The following PRKN variants were observed in gnomAD, a reference collection of about 807,000 sequenced individuals.
The protein encoded by PRKN is E3 ubiquitin-protein ligase parkin.
In PRKN, 56 loss-of-function variants were observed where a neutral mutation model predicts 59.5. The observed-to-expected ratio is 0.94, with a 90% CI of 0.76 to 1.18. PRKN has a LOEUF of 1.18. Ranked by LOEUF, PRKN falls within the 50% of genes most tolerant of loss-of-function variation. The probability of loss-of-function intolerance (pLI) is 0.00; values close to 1 mark genes in which losing one functional copy is unlikely to be tolerated. For missense variants in PRKN, 657 were observed against 596.4 expected (o/e 1.10, Z -1.06); for synonymous variants, 250 against 222.1 (o/e 1.13, Z -1.12).
At chr6:162,329,129 A>T (rs571808995) in intron 2 of PRKN, among the ~76,000 whole-genome samples, 2 of 152,216 alleles carry the variant, frequency 1.3e-5, no homozygotes, top group Non-Finnish European at 2.9e-5. Flanking sequence ...TATTGTAGAC[A>T]AAATAACTAA....
chr6:162,680,172 G>A, intron 1 of PRKN, among the ~76,000 whole-genome samples: 1 of 150,014 alleles, frequency 6.7e-6, no homozygotes. Context: ...ACTTAATTAA[G>A]CATATATATA....
intron 2 of PRKN, among the ~76,000 whole-genome samples, chr6:162,370,020 T>C (rs1275050357): frequency 6.6e-6 from 1 of 152,188 alleles, no homozygotes; most frequent in African/African-American, 2.4e-5. Context: ...CTCTCTATCA[T>C]CAAGTGGCCA....
chr6:161,835,014 T>C (rs1792687113), intron 6 of PRKN, among the ~76,000 whole-genome samples: 2 of 151,738 alleles, frequency 1.3e-5, no homozygotes, highest in Admixed American at 6.6e-5. Flanking sequence ...TCACTAGGCA[T>C]CATTTCTGCC....
intron 4 of PRKN, among the ~76,000 whole-genome samples, chr6:162,180,578 C>T (rs752794950): frequency 1.3e-5 from 2 of 152,196 alleles, no homozygotes; most frequent in Non-Finnish European, 2.9e-5. Context: ...AGCTTAAGAG[C>T]TGTCCACTGT....
At chr6:161,732,087 T>G (rs1787739605) in intron 7 of PRKN, among the ~76,000 whole-genome samples, 2 of 137,274 alleles carry the variant, frequency 1.5e-5, no homozygotes, top group African/African-American at 7.3e-5. Context: ...CTTTTTCTTG[T>G]TCTATTTTTT....
At position 162,229,693 on chromosome 6, in the gene PRKN, C is replaced by T. The variant is rs757041745; in HGVS notation, c.413-28441G>A. ...CCCTCGGCCTTGGCACTTGCCATTC[C>T]CTCTTCCTTTCCACTGTTCCTCTCA... On this transcript the variant is annotated intron_variant, in intron 3 of 11. Transcript: ENST00000366898. Among the ~76,000 whole-genome samples, 69 of 147,528 alleles carry T rather than the reference C, an allele frequency of 4.7e-4. No individual in the cohort carries two copies. In the Middle Eastern group the frequency reaches 0.014, roughly 29 times the overall value.
Position 161,555,577 on chromosome 6 carries a change from G to A in PRKN, c.934-6574C>T, listed in dbSNP as rs113539411. On this transcript the variant is annotated intron_variant, in intron 8 of 11. Transcript: ENST00000366898. ...CAACTCTGTTACCCCATTTTTAACC[G>A]GACTATCTCCTTCCTTTTTTTCTCT... Among the ~76,000 whole-genome samples, 317 of 152,224 alleles carry A rather than the reference G, an allele frequency of 2.1e-3. 2 individuals are homozygous for A. Among genetic ancestry groups the A allele is most frequent in the African/African-American group, 7.1e-3 (294 of 41,542 alleles).
At chr6:162,607,533 A>G (rs938722397) in intron 1 of PRKN, among the ~76,000 whole-genome samples, 2 of 149,542 alleles carry the variant, frequency 1.3e-5, no homozygotes, top group Non-Finnish European at 3.0e-5. Flanking sequence ...AGAGAGAGAA[A>G]TTAAATGAGT....
chr6:162,092,549 G>A (rs776684928), intron 4 of PRKN, among the ~76,000 whole-genome samples: 1 of 152,030 alleles, frequency 6.6e-6, no homozygotes, highest in South Asian at 2.1e-4. Context: ...TTGGTCTTAT[G>A]ATACTACCTA....
At chr6:162,459,419 A>C (rs2128173570) in intron 1 of PRKN, among the ~76,000 whole-genome samples, 1 of 152,320 alleles carries the variant, frequency 6.6e-6, no homozygotes, top group South Asian at 2.1e-4. Flanking sequence ...ATATTTAATG[A>C]AATTGTCAGT....
intron 1 of PRKN, among the ~76,000 whole-genome samples, chr6:162,529,108 A>C (rs1391184023): frequency 6.6e-6 from 1 of 152,076 alleles, no homozygotes; most frequent in Non-Finnish European, 1.5e-5. Flanking sequence ...TCCTGTCCTC[A>C]AGCAATCTGC....
chr6:161,490,845 A>G lies in PRKN; in HGVS notation c.1083+58009T>C, dbSNP rs370613267. 3.9e-5 allele frequency among the ~76,000 whole-genome samples: 6 copies of G among 152,222 alleles called. No individual in the cohort carries two copies. The East Asian group carries it at 7.8e-4, about 20-fold the overall frequency. On this transcript the variant is annotated intron_variant, in intron 9 of 11. Coordinates refer to ENST00000366898, the MANE Select transcript of PRKN (RefSeq NM_004562.3). ...TCCCATCGGTGCTGTTCTCGTGATCATGAGTGAGTTATCGTGAGATCTGGT... is the reference window on the plus strand; with the variant it reads ...TCCCATCGGTGCTGTTCTCGTGATCGTGAGTGAGTTATCGTGAGATCTGGT...
chr6:162,150,115 A>C (rs1029207680), intron 4 of PRKN, among the ~76,000 whole-genome samples: 1 of 152,198 alleles, frequency 6.6e-6, no homozygotes, highest in Non-Finnish European at 1.5e-5. Context: ...TATTCCCAAT[A>C]CCAAACACAT....
intron 1 of PRKN, among the ~76,000 whole-genome samples, chr6:162,710,604 C>G (rs1384823701): frequency 2.6e-5 from 4 of 152,094 alleles, no homozygotes; most frequent in Non-Finnish European, 4.4e-5. Flanking sequence ...GTTGTGGTAG[C>G]AGCTCCCATA....
At chr6:162,021,549 C>G (rs777540949) in intron 5 of PRKN, among the ~76,000 whole-genome samples, 1 of 149,918 alleles carries the variant, frequency 6.7e-6, no homozygotes, top group Non-Finnish European at 1.5e-5. Flanking sequence ...TCCTCCGTGA[C>G]TAAAATATCC....
chr6:162,119,711 G>C (rs1034764124), intron 4 of PRKN, among the ~76,000 whole-genome samples: 1 of 152,112 alleles, frequency 6.6e-6, no homozygotes, highest in African/African-American at 2.4e-5. Flanking sequence ...CGGGTCTTTA[G>C]GTAAGAAGCC....
At chr6:162,367,134 G>A (rs1785484349) in intron 2 of PRKN, among the ~76,000 whole-genome samples, 1 of 152,076 alleles carries the variant, frequency 6.6e-6, no homozygotes, top group Non-Finnish European at 1.5e-5. Context: ...GTTCTCAGGG[G>A]AGCTGATGGT....
chr6:162,419,691 T>C (rs1221707475), intron 2 of PRKN, among the ~76,000 whole-genome samples: 1 of 152,118 alleles, frequency 6.6e-6, no homozygotes, highest in African/African-American at 2.4e-5. Context: ...AAAATGCTTT[T>C]TGGTATTTGA....
At chr6:161,913,168 A>AG (rs1407009061) in intron 6 of PRKN, among the ~76,000 whole-genome samples, 2 of 123,614 alleles carry the variant, frequency 1.6e-5, no homozygotes, top group Non-Finnish European at 1.8e-5. Flanking sequence ...ACTCCATCTC[A>AG]GGAAAAAAAA....
Sources: gnomAD v4.1 joint callset for allele counts (sites outside exome capture counted in the v4.1 genomes callset) on GRCh38, gnomAD v4.1.1 for gene constraint, MANE v1.5 for transcripts, NCBI Gene and HGNC (gene_info 2026-07-23, HGNC 2026-07-21) for gene names.